The following DSCAM variants were observed in gnomAD, a reference collection of about 807,000 sequenced individuals.
DSCAM encodes the protein cell adhesion molecule DSCAM.
Under a neutral mutation model 217.7 loss-of-function variants are expected in DSCAM, and 47 were observed. That is an observed-to-expected ratio of 0.22 (90% confidence interval 0.17 to 0.28). The LOEUF is 0.28. Ranked by LOEUF, DSCAM falls within the 10% of genes least tolerant of loss-of-function variation. The pLI is 1.00. For missense variants in DSCAM, 2,080 were observed against 2,618.3 expected (o/e 0.79, Z 4.49); for synonymous variants, 1,056 against 1,015.3 (o/e 1.04, Z -0.76).
chr21:40,298,595 A>G (rs138906065), intron 9 of DSCAM, among the ~76,000 whole-genome samples: 63 of 152,188 alleles, frequency 4.1e-4, no homozygotes, highest in African/African-American at 1.4e-3. Context: ...TCTAAGAAAT[A>G]TGGTAGAGAT....
intron 9 of DSCAM, among the ~76,000 whole-genome samples, chr21:40,307,049 T>TTGGC (rs1429600058): frequency 6.6e-6 from 1 of 152,124 alleles, no homozygotes; most frequent in Non-Finnish European, 1.5e-5. Flanking sequence ...CTGGTAGAAT[T>TTGGC]TGGCTGTGAA....
intron 3 of DSCAM, among the ~76,000 whole-genome samples, chr21:40,532,961 C>G (rs888567719): frequency 6.6e-6 from 1 of 151,656 alleles, no homozygotes; most frequent in African/African-American, 2.4e-5. Flanking sequence ...TCACAGGGCC[C>G]CAGGGACCAC....
At chr21:40,125,192 C>A (rs758909372) in intron 19 of DSCAM, among the ~76,000 whole-genome samples, 1 of 152,130 alleles carries the variant, frequency 6.6e-6, no homozygotes, top group African/African-American at 2.4e-5. Context: ...CTCTGTAAAC[C>A]AGCTAAGAAG....
intron 1 of DSCAM, among the ~76,000 whole-genome samples, chr21:40,821,117 T>TATAG (rs916437239): frequency 9.5e-6 from 1 of 105,620 alleles, no homozygotes; most frequent in African/African-American, 3.7e-5. Context: ...TTCACATATA[T>TATAG]ATAGATATAT....
At position 40,445,714 on chromosome 21, in the gene DSCAM, T is replaced by C. The variant is rs78341506; in HGVS notation, c.509-76469A>G. 8.5e-3 allele frequency among the ~76,000 whole-genome samples: 1,290 copies of C among 152,346 alleles called. 30 individuals carry two copies. The highest frequency in any genetic ancestry group is 0.03 in the African/African-American group (1,246 of 41,578). On this transcript the variant is annotated intron_variant, in intron 3 of 32. Coordinates refer to ENST00000400454, the MANE Select transcript of DSCAM (RefSeq NM_001389.5). The stretch of plus-strand genomic sequence containing the variant: ...TGGTTCTTTCCAGATGCCAGTTAAC[T>C]GAACCCTTGCTCTGAAGAATCCTCA...
At chr21:40,047,286 C>T (rs2837387) in intron 30 of DSCAM, among the ~76,000 whole-genome samples, 50,012 of 152,014 alleles carry the variant, frequency 0.33, 8,727 homozygotes, top group African/African-American at 0.43. Flanking sequence ...ATAATTTTTA[C>T]TTGGATTCCA....
chr21:40,099,462 T>C lies in DSCAM; in HGVS notation c.3697-5588A>G, dbSNP rs544641922. 4.6e-5 allele frequency among the ~76,000 whole-genome samples: 7 copies of C among 152,356 alleles called. No individual in the cohort carries two copies. In the South Asian group the frequency reaches 1.0e-3, roughly 23 times the overall value. ...GGTTATTTGGGTAAGTTAGTTACACTGATGTCACCACCCTTTGATGCCACT... is the reference window on the plus strand; with the variant it reads ...GGTTATTTGGGTAAGTTAGTTACACCGATGTCACCACCCTTTGATGCCACT... On this transcript the variant is annotated intron_variant, in intron 20 of 32. Transcript: ENST00000400454.
At chr21:40,145,618 G>A (rs907176438) in intron 16 of DSCAM, among the ~76,000 whole-genome samples, 14 of 152,138 alleles carry the variant, frequency 9.2e-5, no homozygotes, top group African/African-American at 3.4e-4. Flanking sequence ...GCTGAGGTGG[G>A]CGGATCACTT....
chr21:40,310,557 C>A (rs1212640524), intron 9 of DSCAM, among the ~76,000 whole-genome samples: 1 of 152,254 alleles, frequency 6.6e-6, no homozygotes, highest in Admixed American at 6.5e-5. Flanking sequence ...TAGCTAGGCT[C>A]ATTTTCAGCT....
chr21:40,273,644 T>TAG (rs2073648940), intron 11 of DSCAM, among the ~76,000 whole-genome samples: 1 of 152,192 alleles, frequency 6.6e-6, no homozygotes, highest in Non-Finnish European at 1.5e-5. Context: ...CGTAGTTTCT[T>TAG]AGTCAACTGG....
intron 20 of DSCAM, among the ~76,000 whole-genome samples, chr21:40,116,769 G>A (rs562475934): frequency 1.3e-5 from 2 of 151,450 alleles, no homozygotes; most frequent in South Asian, 2.1e-4. Flanking sequence ...TTGGGAGGCC[G>A]AGGCGGGCGG....
chr21:40,054,319 G>T (rs778731946), intron 29 of DSCAM, among the ~76,000 whole-genome samples: 1 of 152,240 alleles, frequency 6.6e-6, no homozygotes, highest in African/African-American at 2.4e-5. Flanking sequence ...AGCTGATCAA[G>T]AGCCACTTTG....
At chr21:40,479,228 C>A (rs2075962241) in intron 3 of DSCAM, among the ~76,000 whole-genome samples, 1 of 152,168 alleles carries the variant, frequency 6.6e-6, no homozygotes, top group Non-Finnish European at 1.5e-5. Context: ...GATGAAAAAG[C>A]CACTCACCAC....
intron 8 of DSCAM, among the ~76,000 whole-genome samples, chr21:40,333,719 T>C (rs1212894601): frequency 6.6e-6 from 1 of 152,198 alleles, no homozygotes; most frequent in Non-Finnish European, 1.5e-5. Context: ...AAGGCTAAGA[T>C]TGCGAATGGT....
chr21:40,466,699 CTCT>C (rs2075848235), intron 3 of DSCAM, among the ~76,000 whole-genome samples: 1 of 152,050 alleles, frequency 6.6e-6, no homozygotes, highest in Admixed American at 6.6e-5. Flanking sequence ...GCTAACACAC[CTCT>C]TTTCTTTTTT....
intron 3 of DSCAM, among the ~76,000 whole-genome samples, chr21:40,607,054 A>G (rs530009343): frequency 1.3e-5 from 2 of 152,272 alleles, no homozygotes; most frequent in South Asian, 2.1e-4. Context: ...TTTCCTGTAT[A>G]AATTACCCAG....
chr21:40,185,637 C>T (rs2090886541), intron 14 of DSCAM, among the ~76,000 whole-genome samples: 1 of 152,238 alleles, frequency 6.6e-6, no homozygotes, highest in Non-Finnish European at 1.5e-5. Context: ...TCTGAGCTCT[C>T]ATCACTGTCA....
chr21:40,028,624 C>T (rs568670275), intron 32 of DSCAM, among the ~76,000 whole-genome samples: 26 of 152,288 alleles, frequency 1.7e-4, no homozygotes, highest in East Asian at 1.2e-3. Flanking sequence ...AGGTGCCGTC[C>T]GTCACCCCTT....
intron 3 of DSCAM, among the ~76,000 whole-genome samples, chr21:40,637,125 ATAT>A (rs1568953378): frequency 1.1e-5 from 1 of 88,930 alleles, no homozygotes; most frequent in African/African-American, 4.4e-5. Context: ...ATATATATAT[ATAT>A]AAATATATAA....
Sources: gnomAD v4.1 joint callset for allele counts (sites outside exome capture counted in the v4.1 genomes callset) on GRCh38, gnomAD v4.1.1 for gene constraint, MANE v1.5 for transcripts, NCBI Gene and HGNC (gene_info 2026-07-23, HGNC 2026-07-21) for gene names.